Variants in DGCR2 observed in about 807,000 individuals in gnomAD.
DGCR2 encodes the protein DiGeorge syndrome critical region gene 2, also known as integral membrane protein DGCR2/IDD.
In DGCR2, 24 loss-of-function variants were observed where a neutral mutation model predicts 51.6. That is an observed-to-expected ratio of 0.47 (90% CI 0.34 to 0.65). The LOEUF is 0.65. Ranked by LOEUF, DGCR2 falls within the 30% of genes least tolerant of loss-of-function variation. The pLI is 0.01. For missense variants in DGCR2, 765 were observed against 772.1 expected (o/e 0.99, Z 0.11); for synonymous variants, 340 against 315.4 (o/e 1.08, Z -0.82).
chr22:19,082,222 CTTTTT>C (rs56725898), intron 2 of DGCR2, among the ~76,000 whole-genome samples: 3 of 88,052 alleles, frequency 3.4e-5, no homozygotes, highest in African/African-American at 1.4e-4. Flanking sequence ...CTAATTATTT[CTTTTT>C]TTTTTTTTTT....
At chr22:19,077,155 T>C (rs1372923513) in intron 2 of DGCR2, among the ~76,000 whole-genome samples, 1 of 152,214 alleles carries the variant, frequency 6.6e-6, no homozygotes, top group Non-Finnish European at 1.5e-5. Context: ...TTTCACTCTG[T>C]TGAGTGCTTC....
chr22:19,101,559 G>A (rs1030130694), intron 1 of DGCR2, among the ~76,000 whole-genome samples: 2 of 151,624 alleles, frequency 1.3e-5, no homozygotes, highest in African/African-American at 2.4e-5. Flanking sequence ...TGGCCAACAC[G>A]GTGAAACCCC....
chr22:19,113,301 C>T (rs907829742), intron 1 of DGCR2, among the ~76,000 whole-genome samples: 2 of 151,592 alleles, frequency 1.3e-5, no homozygotes, highest in African/African-American at 2.4e-5. Context: ...ACCCGGGAGG[C>T]GGAGGTTGCA....
At chr22:19,059,238 G>T (rs557442656) in intron 5 of DGCR2, among the ~76,000 whole-genome samples, 7 of 152,316 alleles carry the variant, frequency 4.6e-5, no homozygotes, top group African/African-American at 1.7e-4. Context: ...TGTGTGAGGA[G>T]CGGTGGGGCT....
intron 2 of DGCR2, among the ~76,000 whole-genome samples, chr22:19,082,909 C>A (rs540001560): frequency 5.9e-5 from 9 of 151,958 alleles, no homozygotes; most frequent in Non-Finnish European, 1.3e-4. Flanking sequence ...GGCAACGTGG[C>A]GAAACACCGA....
rs769121179 is a variant in DGCR2 at position 19,076,135 on chromosome 22, TTTTTA to T, written c.203-7915_203-7911del. On this transcript the variant is annotated intron_variant, in intron 2 of 9. Coordinates refer to ENST00000263196, the MANE Select transcript of DGCR2 (RefSeq NM_005137.3). ...CCATGACGCCCAGCTAATTTTTGTA[TTTTTA>T]TTTTATTTATTTTTTAAAGTTCACT... is the stretch of plus-strand genomic sequence containing the variant. Among the ~76,000 whole-genome samples, 290 of 110,230 alleles carry T rather than the reference TTTTTA, an allele frequency of 2.6e-3. 2 individuals carry two copies. The highest frequency in any genetic ancestry group is 3.7e-3 in the Non-Finnish European group (206 of 56,284). 72.3% of individuals were successfully genotyped at this position (110,230 alleles called of 152,430 possible).
intron 1 of DGCR2, among the ~76,000 whole-genome samples, chr22:19,096,233 A>G (rs943694962): frequency 3.9e-5 from 6 of 152,222 alleles, no homozygotes; most frequent in Non-Finnish European, 8.8e-5. Flanking sequence ...ATGTTAAGTG[A>G]AATAAGCCAG....
At chr22:19,121,837 C>G (rs1275088856) in intron 1 of DGCR2, 4 of 225,188 alleles carry the variant, frequency 1.8e-5, no homozygotes, top group Non-Finnish European at 2.6e-5. Context: ...CGACGCTGGA[C>G]TGGCGAGAGG....
intron 2 of DGCR2, among the ~76,000 whole-genome samples, chr22:19,085,986 G>T (rs2083010355): frequency 1.3e-5 from 2 of 152,058 alleles, no homozygotes; most frequent in African/African-American, 4.8e-5. Context: ...GGAGGAGGTT[G>T]GGGGAAGGGA....
chr22:19,084,019 G>A (rs1283349772), intron 2 of DGCR2, among the ~76,000 whole-genome samples: 3 of 152,134 alleles, frequency 2.0e-5, no homozygotes, highest in Admixed American at 6.5e-5. Flanking sequence ...CGTTCACTCA[G>A]TGCTCAATGT....
At chr22:19,079,917 GTCTT>G (rs1448943080) in intron 2 of DGCR2, among the ~76,000 whole-genome samples, 1 of 152,256 alleles carries the variant, frequency 6.6e-6, no homozygotes, top group Admixed American at 6.5e-5. Flanking sequence ...AGCACTGGTT[GTCTT>G]TCATCATAAG....
intron 6 of DGCR2, among the ~76,000 whole-genome samples, chr22:19,054,905 C>T (rs996386150): frequency 3.9e-5 from 6 of 152,162 alleles, no homozygotes; most frequent in African/African-American, 1.4e-4. Context: ...GAGTTCAAGA[C>T]CAGCGTTCAA....
rs752930174 is a variant in DGCR2 at position 19,041,084 on chromosome 22, G to T, written c.1370C>A (p.Pro457Gln). Residue 457 changes from proline (P) to glutamine (Q), a missense_variant, in exon 9 of 10, where the codon CCG becomes CAG. Pro to Gln is a moderately conservative substitution (Grantham distance 76). Around this residue, in one of 3 missense-constraint regions of DGCR2, gnomAD observed 205 missense variants for 181.4 expected, o/e 1.13. Transcript: ENST00000263196. ...TGCAGGGTCATAGAACACACTGTCC[G>T]GGTGGATGGAGGCCTCGTAGGGCGG... The part of the protein sequence containing the change: ...PPPPYEASIH[P>Q]DSVFYDPADD... The T allele has an allele frequency of 6.2e-7, 1 of 1,610,568 alleles. No individual in the cohort carries two copies.
At chr22:19,062,781 T>TCTCTCTCTCTCA (rs2082689790) in intron 5 of DGCR2, among the ~76,000 whole-genome samples, 1 of 135,776 alleles carries the variant, frequency 7.4e-6, no homozygotes, top group South Asian at 2.5e-4. Flanking sequence ...GCATGCTCAC[T>TCTCTCTCTCTCA]CTCTCTCTCT....
chr22:19,049,648 A>G (rs1301892407), intron 6 of DGCR2, among the ~76,000 whole-genome samples: 3 of 152,056 alleles, frequency 2.0e-5, no homozygotes, highest in Non-Finnish European at 4.4e-5. Context: ...CCAACATGGC[A>G]AAACCCTGTC....
intron 1 of DGCR2, among the ~76,000 whole-genome samples, chr22:19,105,826 C>T (rs893182119): frequency 5.3e-5 from 8 of 152,150 alleles, no homozygotes; most frequent in Admixed American, 5.2e-4. Context: ...AAACTCCCTG[C>T]CTTCTCTACA....
intron 1 of DGCR2, among the ~76,000 whole-genome samples, chr22:19,094,248 T>C (rs908064624): frequency 6.6e-6 from 1 of 152,068 alleles, no homozygotes; most frequent in Non-Finnish European, 1.5e-5. Flanking sequence ...GCCAACATGA[T>C]GAAACCCCAT....
chr22:19,118,389 A>C (rs996852705), intron 1 of DGCR2, among the ~76,000 whole-genome samples: 21 of 151,606 alleles, frequency 1.4e-4, no homozygotes, highest in Non-Finnish European at 2.7e-4. Flanking sequence ...AAAAAAAAAA[A>C]AAAAAAAAAC....
intron 1 of DGCR2, among the ~76,000 whole-genome samples, chr22:19,113,230 T>C (rs2525076): frequency 0.51 from 76,752 of 151,716 alleles, 20,455 homozygotes; most frequent in African/African-American, 0.69. Flanking sequence ...ATTAGCCAGG[T>C]GTGGTGGCGC....
Sources: gnomAD v4.1 joint callset for allele counts (sites outside exome capture counted in the v4.1 genomes callset) on GRCh38, gnomAD v4.1.1 for gene constraint, gnomAD v4.1.1 regional missense constraint, MANE v1.5 for transcripts, NCBI Gene and HGNC (gene_info 2026-07-23, HGNC 2026-07-21) for gene names.